RPF2: variants seen among roughly 807,000 people sequenced by gnomAD.
RPF2 encodes brix domain containing 1.
A neutral mutation model predicts 38.9 loss-of-function variants in RPF2; 21 were observed. The ratio of observed to expected loss-of-function variants is 0.54; its 90% CI spans 0.38 to 0.78. RPF2 has a LOEUF of 0.78. Among genes scored for constraint, RPF2 ranks in the 30% least tolerant of loss-of-function variants. The pLI is 0.00. For missense variants in RPF2, 314 were observed against 358.1 expected (o/e 0.88, Z 0.99); for synonymous variants, 121 against 126.2 (o/e 0.96, Z 0.28).
chr6:111,022,068 G>C (rs1772243670), intron 8 of RPF2, among the ~76,000 whole-genome samples: 1 of 152,140 alleles, frequency 6.6e-6, no homozygotes, highest in Admixed American at 6.6e-5. Context: ...ATTCACTATG[G>C]AGTCAGAGCC....
rs760705632 is a variant in RPF2 at position 110,997,273 on chromosome 6, A to T, written c.316+9A>T. ...AAATAATCTAGTAATAGGTAAGTAT[A>T]ATTTACTTTTTAATGTTTTCACTGA... On this transcript the variant is annotated intron_variant, in intron 5 of 9. Coordinates refer to ENST00000441448, the MANE Select transcript of RPF2 (RefSeq NM_032194.3). 6.6e-7 allele frequency: 1 copy of T among 1,518,322 alleles called. No homozygotes were observed. The highest frequency in any genetic ancestry group is 9.1e-7 in the Non-Finnish European group (1 of 1,097,242). The allele number at this position is 1,518,322 out of a possible 1,614,324, so 94.1% of individuals were successfully genotyped here. A position where few individuals can be genotyped will look rare whatever the true frequency, so the allele number is the denominator to read the frequency against.
chr6:110,991,319 G>T (rs572891276), intron 3 of RPF2, among the ~76,000 whole-genome samples: 2 of 149,580 alleles, frequency 1.3e-5, no homozygotes, highest in South Asian at 4.2e-4. Context: ...TAGAGACGGG[G>T]TCTCACTGTT....
intron 7 of RPF2, among the ~76,000 whole-genome samples, chr6:111,013,924 T>C (rs1772061027): frequency 6.6e-6 from 1 of 152,020 alleles, no homozygotes; most frequent in African/African-American, 2.4e-5. Context: ...AGTGCTTGAG[T>C]CTAGGAGTTC....
chr6:111,016,425 T>G (rs1462038363), intron 8 of RPF2, among the ~76,000 whole-genome samples: 14 of 152,040 alleles, frequency 9.2e-5, no homozygotes, highest in Admixed American at 9.2e-4. Flanking sequence ...AAACCCCATC[T>G]CTACTAAAAA....
At chr6:111,010,128 C>CTTTTTTTTTT in intron 7 of RPF2, among the ~76,000 whole-genome samples, 1 of 130,716 alleles carries the variant, frequency 7.7e-6, no homozygotes, top group Non-Finnish European at 1.6e-5. Flanking sequence ...TTTTTTTTTT[C>CTTTTTTTTTT]TTTTTTTTTT....
At chr6:111,007,826 A>C (rs988418916) in intron 6 of RPF2, among the ~76,000 whole-genome samples, 1 of 152,128 alleles carries the variant, frequency 6.6e-6, no homozygotes, top group Non-Finnish European at 1.5e-5. Flanking sequence ...GTGCACCTGT[A>C]GTCCCAGCTA....
intron 9 of RPF2, among the ~76,000 whole-genome samples, 174 bp downstream of exon 9, chr6:111,024,501 C>T (rs575632361): frequency 1.4e-4 from 22 of 152,102 alleles, no homozygotes; most frequent in African/African-American, 5.3e-4. Flanking sequence ...ATCACAAGGT[C>T]AGGAGATCGA....
intron 7 of RPF2, among the ~76,000 whole-genome samples, chr6:111,011,101 C>T (rs1438597787): frequency 6.6e-6 from 1 of 152,092 alleles, no homozygotes; most frequent in Non-Finnish European, 1.5e-5. Context: ...CTTCCAAAGC[C>T]TGAGCTTTTC....
chr6:110,997,079 G>A (rs1401037555), intron 4 of RPF2, 104 bp from the exon 5 acceptor site: 1 of 716,060 alleles, frequency 1.4e-6, no homozygotes, highest in Non-Finnish European at 2.5e-6. Context: ...GGGATTACAG[G>A]TGTGAGCCAC....
intron 7 of RPF2, among the ~76,000 whole-genome samples, chr6:111,010,002 T>C (rs1771984295): frequency 6.6e-6 from 1 of 152,226 alleles, no homozygotes; most frequent in African/African-American, 2.4e-5. Context: ...TATTAGTACT[T>C]AGCATTCTGC....
At chr6:111,003,089 C>CCT (rs1491326777) in intron 6 of RPF2, among the ~76,000 whole-genome samples, 2 of 136,936 alleles carry the variant, frequency 1.5e-5, no homozygotes, top group Admixed American at 7.2e-5. Flanking sequence ...ACCCCCCCCC[C>CCT]TTTTTTTTTC....
rs565503422 is a variant in RPF2 at position 110,983,492 on chromosome 6, C to T, written c.23+1363C>T. 7.2e-5 allele frequency among the ~76,000 whole-genome samples: 11 copies of T among 152,102 alleles called. No homozygotes were observed. The East Asian group carries it at 9.7e-4, about 13-fold the overall frequency. On this transcript the variant is annotated intron_variant, in intron 1 of 9. Coordinates refer to ENST00000441448, the MANE Select transcript of RPF2 (RefSeq NM_032194.3). ...CCTGCTGAGTAGCTGGGACTATAGG[C>T]GCACACCACCACAGCTAATTTTTGT...
At chr6:110,995,069 T>C (rs1418594297) in intron 4 of RPF2, among the ~76,000 whole-genome samples, 3 of 126,516 alleles carry the variant, frequency 2.4e-5, no homozygotes, top group Non-Finnish European at 3.5e-5. Flanking sequence ...CATACCCGGA[T>C]TTTTTTTGTA....
intron 2 of RPF2, 65 bp downstream of exon 2, chr6:110,985,203 A>T: frequency 7.2e-7 from 1 of 1,388,572 alleles, no homozygotes; most frequent in South Asian, 1.4e-5. Flanking sequence ...GCATGCTAGG[A>T]TGGGCTGTCG....
At chr6:110,983,345 T>TA (rs1219463670) in intron 1 of RPF2, among the ~76,000 whole-genome samples, 1 of 142,786 alleles carries the variant, frequency 7.0e-6, no homozygotes, top group African/African-American at 2.6e-5. Flanking sequence ...AATCTAGCTT[T>TA]AAAAAATTTG....
chr6:111,008,969 G>A (rs546529659), intron 7 of RPF2, among the ~76,000 whole-genome samples: 6 of 144,274 alleles, frequency 4.2e-5, no homozygotes, highest in East Asian at 4.2e-4. Flanking sequence ...GTGTGATCTC[G>A]GCCCACTGCA....
rs767631360 is a variant in RPF2, at chr6:111,025,651, CAG to C, written c.*72_*73del. 26 of 1,140,714 alleles carry C rather than the reference CAG, an allele frequency of 2.3e-5. No homozygotes were observed. Among genetic ancestry groups the C allele is most frequent in the Non-Finnish European group, 3.0e-5 (24 of 807,076 alleles). The allele number at this position is 1,140,714 out of a possible 1,614,324, so 70.7% of individuals were successfully genotyped here. ...GAGAATTATCAAGCGTCAATCCATT[CAG>C]AGTTTCTTATAAGATCTTATTATAT... On this transcript the variant is annotated 3_prime_UTR_variant, in exon 10 of 10. Transcript: ENST00000441448.
At chr6:111,018,212 G>T (rs1210586571) in intron 8 of RPF2, among the ~76,000 whole-genome samples, 1 of 151,806 alleles carries the variant, frequency 6.6e-6, no homozygotes, top group East Asian at 1.9e-4. Flanking sequence ...GGAGGGGGAG[G>T]GGGAGGGAGA....
Position 111,025,438 on chromosome 6 carries a change from T to C in RPF2, c.777T>C (p.Phe259=), listed in dbSNP as rs761028790. 2 of 1,608,488 alleles carry C rather than the reference T, an allele frequency of 1.2e-6. No individual in the cohort carries two copies. Among genetic ancestry groups the C allele is most frequent in the Non-Finnish European group, 8.5e-7 (1 of 1,177,560 alleles). ...AGAAAAATATTTCCCATGATACTTT[T>C]GGTACAACTTATGGAAGGATTCATA... The part of the protein sequence containing the change: ...KKKKNISHDT[F]GTTYGRIHMQ... The change falls in exon 10 of 10, where the codon TTT becomes TTC. Residue 259 remains phenylalanine (F), a synonymous_variant. Transcript: ENST00000441448.
Sources: gnomAD v4.1 joint callset for allele counts (sites outside exome capture counted in the v4.1 genomes callset) on GRCh38, gnomAD v4.1.1 for gene constraint, MANE v1.5 for transcripts, NCBI Gene and HGNC (gene_info 2026-07-23, HGNC 2026-07-21) for gene names.